The following SKAP2 variants were observed in gnomAD, a reference collection of about 807,000 sequenced individuals.
SKAP2 encodes the protein src kinase associated phosphoprotein 2, also known as src kinase-associated phosphoprotein 2.
In SKAP2, 28 loss-of-function variants were observed where a neutral mutation model predicts 54.9. The observed-to-expected ratio is 0.51, with a 90% CI of 0.38 to 0.70. SKAP2 has a LOEUF of 0.70. SKAP2 is among the 30% of genes least tolerant of loss of function. The pLI, the probability that SKAP2 is intolerant of heterozygous loss-of-function variation, is 0.00. For missense variants in SKAP2, 356 were observed against 424.1 expected, an observed-to-expected ratio of 0.84 and a Z score of 1.41; for synonymous variants, 137 against 134.3, an observed-to-expected ratio of 1.02 and a Z score of -0.14.
At chr7:26,860,893 G>A (rs201947245) in intron 1 of SKAP2, among the ~76,000 whole-genome samples, 52 of 428 alleles carry the variant, frequency 0.12, no homozygotes, top group East Asian at 0.43. Flanking sequence ...AAAATTCCCA[G>A]TAGGGAAAAT....
At chr7:26,725,372 T>TCACA (rs139615753) in intron 9 of SKAP2, 56 bp downstream of exon 9, 5 of 1,124,654 alleles carry the variant, frequency 4.4e-6, no homozygotes, top group Middle Eastern at 2.3e-4. Context: ...ACACACACAC[T>TCACA]CACACACACA....
chr7:26,816,680 TCAAA>T (rs1784273335), intron 4 of SKAP2, among the ~76,000 whole-genome samples: 1 of 152,046 alleles, frequency 6.6e-6, no homozygotes, highest in Non-Finnish European at 1.5e-5. Flanking sequence ...GGATTTTGTC[TCAAA>T]CAACAATCAG....
chr7:26,775,866 T>A (rs906635298), intron 4 of SKAP2, among the ~76,000 whole-genome samples: 1 of 152,136 alleles, frequency 6.6e-6, no homozygotes, highest in African/African-American at 2.4e-5. Flanking sequence ...GTATCAATAG[T>A]TTGTTCTTTT....
At chr7:26,767,542 A>G (rs1317742860) in intron 4 of SKAP2, among the ~76,000 whole-genome samples, 1 of 151,884 alleles carries the variant, frequency 6.6e-6, no homozygotes, top group Non-Finnish European at 1.5e-5. Flanking sequence ...AGTTCTTTTA[A>G]ATGTGATGTT....
intron 4 of SKAP2, among the ~76,000 whole-genome samples, chr7:26,771,031 A>G (rs80313780): frequency 0.011 from 1,621 of 152,358 alleles, 29 homozygotes; most frequent in African/African-American, 0.037. Flanking sequence ...AAATAAAATT[A>G]TAACTCCTCT....
intron 4 of SKAP2, among the ~76,000 whole-genome samples, chr7:26,812,035 G>C (rs923455823): frequency 6.6e-6 from 1 of 152,100 alleles, no homozygotes; most frequent in Non-Finnish European, 1.5e-5. Flanking sequence ...ACTCTTAAAA[G>C]TATTTTCTAT....
In SKAP2 at chr7:26,841,771, A is replaced by T. The variant is rs529638094; in HGVS notation, c.307+2259T>A. On this transcript the variant is annotated intron_variant, in intron 4 of 12. Coordinates refer to ENST00000345317, the MANE Select transcript of SKAP2 (RefSeq NM_003930.5). Reference sequence around the variant, plus strand: ...GTACCTTGAAAATTACATTAGCATTATGAAAAATACATATCATGTTTAGAG... The same window carrying T: ...GTACCTTGAAAATTACATTAGCATTTTGAAAAATACATATCATGTTTAGAG... Among the ~76,000 whole-genome samples, 16 of 152,150 alleles carry T rather than the reference A, an allele frequency of 1.1e-4. No individual in the cohort carries two copies. In the South Asian group the frequency reaches 3.3e-3, roughly 32 times the overall value.
chr7:26,717,780 T>G (rs1787491773), intron 9 of SKAP2, among the ~76,000 whole-genome samples: 1 of 150,534 alleles, frequency 6.6e-6, no homozygotes, highest in Non-Finnish European at 1.5e-5. Context: ...TGCAGGGAGT[T>G]GAGATCATGC....
At chr7:26,803,056 T>C (rs1368989677) in intron 4 of SKAP2, among the ~76,000 whole-genome samples, 1 of 152,196 alleles carries the variant, frequency 6.6e-6, no homozygotes, top group Non-Finnish European at 1.5e-5. Flanking sequence ...GACATTAGTC[T>C]GGGTAAAGAC....
intron 1 of SKAP2, chr7:26,857,358 G>T: frequency 3.3e-6 from 1 of 307,112 alleles, no homozygotes; most frequent in Non-Finnish European, 4.5e-6. Flanking sequence ...AGCAGTTCCC[G>T]AAATAATTTT....
At chr7:26,829,727 G>C (rs1784563320) in intron 4 of SKAP2, among the ~76,000 whole-genome samples, 1 of 152,100 alleles carries the variant, frequency 6.6e-6, no homozygotes, top group African/African-American at 2.4e-5. Flanking sequence ...ACATTCACTA[G>C]GATGGCCGAA....
chr7:26,794,094 A>C (rs1435730121), intron 4 of SKAP2, among the ~76,000 whole-genome samples: 1 of 152,268 alleles, frequency 6.6e-6, no homozygotes, highest in Non-Finnish European at 1.5e-5. Flanking sequence ...TATCCCCAGC[A>C]GGAGCCCAAT....
At chr7:26,661,908 ATC>A in the SKAP2 span, among the ~76,000 whole-genome samples, 1 of 152,158 alleles carries the variant, frequency 6.6e-6, no homozygotes, top group Non-Finnish European at 1.5e-5. Flanking sequence ...TCTAAACATA[ATC>A]TCACTTGAGC....
chr7:26,822,643 A>G (rs1784404542), intron 4 of SKAP2, among the ~76,000 whole-genome samples: 1 of 152,000 alleles, frequency 6.6e-6, no homozygotes, highest in Admixed American at 6.6e-5. Context: ...TGGGAGGCCA[A>G]GGCGGGTGGA....
chr7:26,662,697 A>AAGC (rs1786034152), downstream of SKAP2, among the ~76,000 whole-genome samples: 1 of 152,180 alleles, frequency 6.6e-6, no homozygotes, highest in African/African-American at 2.4e-5. Flanking sequence ...TGACCAACTG[A>AAGC]AGCAAAGCAA....
intron 9 of SKAP2, among the ~76,000 whole-genome samples, chr7:26,724,024 A>G (rs1787640900): frequency 6.6e-6 from 1 of 152,176 alleles, no homozygotes; most frequent in African/African-American, 2.4e-5. Flanking sequence ...TAAACCAGAA[A>G]GGAAGGGGTT....
At chr7:26,664,208 C>G (rs1334361691), downstream of SKAP2, among the ~76,000 whole-genome samples, 1 of 152,122 alleles carries the variant, frequency 6.6e-6, no homozygotes, top group Admixed American at 6.6e-5. Flanking sequence ...GCTTTGGGGA[C>G]AAATTATTCA....
At chr7:26,744,866 A>G (rs1439583113) in intron 4 of SKAP2, among the ~76,000 whole-genome samples, 3 of 152,178 alleles carry the variant, frequency 2.0e-5, no homozygotes, top group Non-Finnish European at 4.4e-5. Context: ...CATTTTCAAA[A>G]TAGACATGTT....
chr7:26,813,870 G>GCAAATTTCGAA (rs957657201), intron 4 of SKAP2, among the ~76,000 whole-genome samples: 1 of 152,120 alleles, frequency 6.6e-6, no homozygotes, highest in Admixed American at 6.6e-5. Flanking sequence ...CCACAGAAAG[G>GCAAATTTCGAA]TCACTGAACT....
Sources: allele counts gnomAD v4.1 joint callset (sites outside exome capture counted in the v4.1 genomes callset), GRCh38; gene constraint gnomAD v4.1.1; transcripts MANE v1.5; gene names NCBI Gene and HGNC (gene_info 2026-07-23, HGNC 2026-07-21).